Variants in TTPA observed in about 807,000 individuals in gnomAD.
The protein encoded by TTPA is alpha-tocopherol transfer protein.
A neutral mutation model predicts 25.9 loss-of-function variants in TTPA; 23 were observed. The observed-to-expected ratio is 0.89, with a 90% CI of 0.64 to 1.26. TTPA has a LOEUF of 1.26. TTPA is among the 50% of genes most tolerant of loss of function. The pLI, the probability that TTPA is intolerant of heterozygous loss-of-function variation, is 0.00. For missense variants in TTPA, 337 were observed against 353.1 expected (o/e 0.95, Z 0.37); for synonymous variants, 148 against 137.3 (o/e 1.08, Z -0.54).
At chr8:63,067,803 T>C (rs1210023956) in intron 2 of TTPA, among the ~76,000 whole-genome samples, 1 of 152,172 alleles carries the variant, frequency 6.6e-6, no homozygotes, top group African/African-American at 2.4e-5. Context: ...GTGTCTACTG[T>C]TCCCATCTTT....
intron 1 of TTPA, among the ~76,000 whole-genome samples, chr8:63,078,459 C>T (rs1326854197): frequency 6.6e-6 from 1 of 152,068 alleles, no homozygotes; most frequent in African/African-American, 2.4e-5. Context: ...AAACGAATGG[C>T]AAACTAGAAT....
intron 1 of TTPA, among the ~76,000 whole-genome samples, chr8:63,078,005 C>T (rs1177553633): frequency 6.6e-6 from 1 of 152,228 alleles, no homozygotes; most frequent in African/African-American, 2.4e-5. Context: ...GCAATATTCA[C>T]TGTTCTGCAG....
intron 2 of TTPA, among the ~76,000 whole-genome samples, chr8:63,067,813 T>C (rs1480040883): frequency 6.6e-6 from 1 of 152,152 alleles, no homozygotes; most frequent in Admixed American, 6.6e-5. Context: ...TTCCCATCTT[T>C]ATGTCATAAA....
downstream of TTPA, among the ~76,000 whole-genome samples, chr8:63,058,603 C>A (rs1295946742): frequency 1.3e-5 from 2 of 152,122 alleles, no homozygotes; most frequent in South Asian, 2.1e-4. Flanking sequence ...TTTCAATTTT[C>A]TTTTAATGTT....
chr8:63,080,952 T>C (rs1049602298), intron 1 of TTPA, among the ~76,000 whole-genome samples: 19 of 151,306 alleles, frequency 1.3e-4, no homozygotes, highest in African/African-American at 3.6e-4. Flanking sequence ...CAGGAAGAAG[T>C]TGAATCTCTG....
At chr8:63,064,843 T>C (rs1326411049) in intron 3 of TTPA, among the ~76,000 whole-genome samples, 1 of 152,220 alleles carries the variant, frequency 6.6e-6, no homozygotes, top group Admixed American at 6.5e-5. Context: ...GTATTATTAA[T>C]ACAGAGACCT....
chr8:63,068,302 G>C (rs7819122), intron 2 of TTPA, among the ~76,000 whole-genome samples: 1 of 152,172 alleles, frequency 6.6e-6, no homozygotes, highest in African/African-American at 2.4e-5. Context: ...ATGAGTAGAA[G>C]AGGAAATGCC....
chr8:63,074,723 T>C (rs1805535865), intron 1 of TTPA, among the ~76,000 whole-genome samples: 1 of 152,234 alleles, frequency 6.6e-6, no homozygotes, highest in Non-Finnish European at 1.5e-5. Flanking sequence ...AAAAATCTTT[T>C]TCATTCCAAT....
At chr8:63,079,777 C>T (rs7812731) in intron 1 of TTPA, among the ~76,000 whole-genome samples, 2,586 of 152,182 alleles carry the variant, frequency 0.017, 77 homozygotes, top group African/African-American at 0.059. Flanking sequence ...AGAAGGTTAA[C>T]GAGGATATCC....
intron 4 of TTPA, among the ~76,000 whole-genome samples, chr8:63,062,246 A>G (rs1805319217): frequency 6.6e-6 from 1 of 152,160 alleles, no homozygotes; most frequent in South Asian, 2.1e-4. Context: ...AACAATTATG[A>G]TAGTTGAGAA....
In TTPA at chr8:63,064,057, T is replaced by A. The variant is rs924143180; in HGVS notation, c.663+149A>T. On this transcript the variant is annotated intron_variant, in intron 4 of 4. Transcript: ENST00000260116. ...AAAAGTAAATTTTAATTTACTTTTTTTTAGTTGGCTTGTTAGATAAATATT... is the reference window on the plus strand; with the variant it reads ...AAAAGTAAATTTTAATTTACTTTTTATTAGTTGGCTTGTTAGATAAATATT... 9.9e-6 allele frequency: 6 copies of A among 604,810 alleles called. No homozygotes were observed. In the African/African-American group the frequency reaches 1.1e-4, roughly 11 times the overall value. The allele number at this position is 604,810 out of a possible 1,614,324, so 37.5% of individuals were successfully genotyped here.
intron 1 of TTPA, among the ~76,000 whole-genome samples, chr8:63,078,228 A>G (rs953038351): frequency 6.6e-6 from 1 of 152,254 alleles, no homozygotes; most frequent in Non-Finnish European, 1.5e-5. Context: ...AAAGATGGGG[A>G]GAAACCAGAG....
At chr8:63,058,596 C>T (rs1805239571), downstream of TTPA, among the ~76,000 whole-genome samples, 1 of 152,092 alleles carries the variant, frequency 6.6e-6, no homozygotes, top group Non-Finnish European at 1.5e-5. Flanking sequence ...CCATTCATTT[C>T]AATTTTCTTT....
chr8:63,073,150 G>A, intron 1 of TTPA, 62 bp from the exon 2 acceptor site: 1 of 1,361,694 alleles, frequency 7.3e-7, no homozygotes, highest in African/African-American at 1.4e-5. Context: ...TGTAAAAATG[G>A]AAGAAAAGCT....
intron 3 of TTPA, 62 bp from the exon 4 acceptor site, chr8:63,064,378 CAA>C: frequency 8.7e-7 from 1 of 1,151,384 alleles, no homozygotes; most frequent in Non-Finnish European, 1.3e-6. Flanking sequence ...TACCTAATGT[CAA>C]GTTTCTTCTT....
chr8:63,061,786 C>T (rs1203751689), intron 4 of TTPA, among the ~76,000 whole-genome samples: 1 of 152,210 alleles, frequency 6.6e-6, no homozygotes, highest in African/African-American at 2.4e-5. Flanking sequence ...CTATTCTATA[C>T]ACGATAAAAA....
At chr8:63,080,509 C>A (rs560920120) in intron 1 of TTPA, among the ~76,000 whole-genome samples, 2 of 151,960 alleles carry the variant, frequency 1.3e-5, no homozygotes, top group African/African-American at 2.4e-5. Flanking sequence ...ATCACGACGT[C>A]GGGAGATCAA....
At chr8:63,067,395 A>G (rs577613685) in intron 2 of TTPA, among the ~76,000 whole-genome samples, 7 of 152,120 alleles carry the variant, frequency 4.6e-5, no homozygotes, top group African/African-American at 1.7e-4. Flanking sequence ...GAAGGCAGTA[A>G]CAGAAAACAG....
At chr8:63,069,427 T>A (rs1417739768) in intron 2 of TTPA, among the ~76,000 whole-genome samples, 1 of 152,134 alleles carries the variant, frequency 6.6e-6, no homozygotes. Flanking sequence ...GTCATTCAAA[T>A]TTAAATTAAA....
Sources: allele counts gnomAD v4.1 joint callset (sites outside exome capture counted in the v4.1 genomes callset), GRCh38; gene constraint gnomAD v4.1.1; transcripts MANE v1.5; gene names NCBI Gene and HGNC (gene_info 2026-07-23, HGNC 2026-07-21).